CD96: variants seen among roughly 807,000 people sequenced by gnomAD.
CD96 encodes the protein CD96 molecule.
Under a neutral mutation model 71.3 loss-of-function variants are expected in CD96, and 70 were observed. The ratio of observed to expected loss-of-function variants is 0.98; its 90% CI spans 0.81 to 1.20. The LOEUF (loss-of-function observed/expected upper bound fraction) is 1.20, where lower values mean the gene tolerates loss of function less well. CD96 is among the 50% of genes most tolerant of loss of function. The pLI is 0.00. For missense variants in CD96, 742 were observed against 677.5 expected, an observed-to-expected ratio of 1.10 and a Z score of -1.06; for synonymous variants, 248 against 233.0, an observed-to-expected ratio of 1.06 and a Z score of -0.59.
At chr3:111,569,858 C>T (rs1479334876) in intron 3 of CD96, among the ~76,000 whole-genome samples, 1 of 152,196 alleles carries the variant, frequency 6.6e-6, no homozygotes, top group Non-Finnish European at 1.5e-5. Flanking sequence ...TACCCCCAAT[C>T]CAGATGACCC....
intron 4 of CD96, among the ~76,000 whole-genome samples, chr3:111,581,928 G>A (rs12497656): frequency 0.67 from 102,511 of 152,040 alleles, 34,994 homozygotes; most frequent in East Asian, 0.86. Flanking sequence ...GTGAGTCAGG[G>A]AAGGGAAGGA....
At chr3:111,593,497 C>T in intron 5 of CD96, 5 of 1,500,796 alleles carry the variant, frequency 3.3e-6, no homozygotes, top group Non-Finnish European at 4.4e-6. Flanking sequence ...TGGCTCTTTT[C>T]TACAAGTCTA....
At chr3:111,567,486 G>A in intron 2 of CD96, 37 bp from the exon 3 acceptor site, 1 of 1,580,198 alleles carries the variant, frequency 6.3e-7, no homozygotes, top group Admixed American at 1.7e-5. Context: ...AAACCAATCA[G>A]AGATTCACAT....
intron 14 of CD96, among the ~76,000 whole-genome samples, chr3:111,662,646 G>C (rs1940385459): frequency 6.6e-6 from 1 of 152,158 alleles, no homozygotes; most frequent in Non-Finnish European, 1.5e-5. Flanking sequence ...TTCTACAGCA[G>C]AGGCAAAATG....
Position 111,642,840 on chromosome 3 carries a change from G to A in CD96, c.1477+4672G>A, listed in dbSNP as rs190073040. Among the ~76,000 whole-genome samples the A allele has an allele frequency of 6.3e-4, 96 of 151,238 alleles. 1 individual carries two copies. The highest frequency in any genetic ancestry group is 2.1e-3 in the African/African-American group (87 of 41,300). On this transcript the variant is annotated intron_variant, in intron 12 of 13. Coordinates refer to ENST00000352690, the MANE Select transcript of CD96 (RefSeq NM_005816.5). ...ATAAATAAATAAAAGAAAAATTACC[G>A]ACAAAACAAAGTCCAGGCCCAGATG... is the stretch of plus-strand genomic sequence containing the variant.
At chr3:111,577,399 C>G in intron 3 of CD96, 1 of 828,620 alleles carries the variant, frequency 1.2e-6, no homozygotes, top group Non-Finnish European at 2.2e-6. Flanking sequence ...GACATGCTCT[C>G]CACTTTCTTC....
intron 2 of CD96, among the ~76,000 whole-genome samples, chr3:111,547,224 G>A (rs1244474093): frequency 2.0e-5 from 3 of 152,164 alleles, no homozygotes; most frequent in Admixed American, 6.5e-5. Flanking sequence ...TCCTGCTAAA[G>A]GATAAGAGTT....
At chr3:111,594,967 T>C (rs1313269217) in intron 5 of CD96, 1 of 167,134 alleles carries the variant, frequency 6.0e-6, no homozygotes, top group Non-Finnish European at 1.5e-5. Context: ...GGAGCTGGGA[T>C]GCACAGAGGA....
rs1242519568 is a variant in CD96 at position 111,626,593 on chromosome 3, C to T, written c.1321+2189C>T. Among the ~76,000 whole-genome samples, 3 of 152,094 alleles carry T rather than the reference C, an allele frequency of 2.0e-5. No individual in the cohort carries two copies. In the East Asian group the frequency reaches 5.8e-4, roughly 29 times the overall value. ...TCTATTCCTAGATATAAAAATCCCT[C>T]CAAAATTAGTACATCTATGCATGAG... On this transcript the variant is annotated intron_variant, in intron 10 of 13. Transcript: ENST00000352690.
downstream of CD96, among the ~76,000 whole-genome samples, chr3:111,654,579 C>T (rs1482306596): frequency 1.3e-5 from 2 of 152,224 alleles, no homozygotes; most frequent in African/African-American, 4.8e-5. Flanking sequence ...TCCTGTTCTG[C>T]ACACTCAGGT....
At chr3:111,617,936 C>A (rs1030636336) in intron 8 of CD96, among the ~76,000 whole-genome samples, 2 of 152,252 alleles carry the variant, frequency 1.3e-5, no homozygotes, top group Non-Finnish European at 2.9e-5. Flanking sequence ...TTCCTGGCAT[C>A]TCCAAGCTTT....
chr3:111,619,992 T>C (rs1326349150), intron 8 of CD96, among the ~76,000 whole-genome samples: 1 of 152,228 alleles, frequency 6.6e-6, no homozygotes, highest in Non-Finnish European at 1.5e-5. Flanking sequence ...AAAACACCCC[T>C]GAGGGCTTGT....
At chr3:111,583,094 G>A (rs1433179603) in intron 4 of CD96, among the ~76,000 whole-genome samples, 2 of 152,188 alleles carry the variant, frequency 1.3e-5, no homozygotes, top group Non-Finnish European at 2.9e-5. Flanking sequence ...GATATAATGG[G>A]GGTATAAGCA....
chr3:111,620,237 G>T (rs1194932207), intron 8 of CD96, among the ~76,000 whole-genome samples: 1 of 152,216 alleles, frequency 6.6e-6, no homozygotes, highest in African/African-American at 2.4e-5. Flanking sequence ...TGATCGTCTG[G>T]TTGATGTCCA....
chr3:111,614,817 G>T (rs1938148763), intron 8 of CD96, among the ~76,000 whole-genome samples: 1 of 152,116 alleles, frequency 6.6e-6, no homozygotes, highest in Admixed American at 6.5e-5. Context: ...TAAATTCCAG[G>T]ACACACAGGT....
intron 2 of CD96, among the ~76,000 whole-genome samples, chr3:111,547,763 G>A (rs77365842): frequency 0.017 from 2,543 of 152,214 alleles, 77 homozygotes; most frequent in African/African-American, 0.057. Context: ...GCTGTCATCT[G>A]GATCAGATGA....
chr3:111,653,792 C>T (rs1302365647), downstream of CD96, among the ~76,000 whole-genome samples: 2 of 151,576 alleles, frequency 1.3e-5, no homozygotes, highest in Non-Finnish European at 2.9e-5. Flanking sequence ...TGATCTTAGC[C>T]AAAAGGCTGA....
chr3:111,549,293 A>G (rs1934575134), intron 2 of CD96, among the ~76,000 whole-genome samples: 1 of 152,092 alleles, frequency 6.6e-6, no homozygotes, highest in Admixed American at 6.6e-5. Flanking sequence ...AAGTTATAAC[A>G]ACTGGGTAGG....
chr3:111,652,635 A>G (rs1474894374), downstream of CD96, among the ~76,000 whole-genome samples: 1 of 152,114 alleles, frequency 6.6e-6, no homozygotes, highest in African/African-American at 2.4e-5. Flanking sequence ...TCTGGTCAGC[A>G]TTTGCACATT....
Sources: gnomAD v4.1 joint callset for allele counts (sites outside exome capture counted in the v4.1 genomes callset) on GRCh38, gnomAD v4.1.1 for gene constraint, MANE v1.5 for transcripts, NCBI Gene and HGNC (gene_info 2026-07-23, HGNC 2026-07-21) for gene names.